SMARCA4: variants seen among roughly 807,000 people sequenced by gnomAD.
The protein encoded by SMARCA4 is SWI/SNF related BAF chromatin remodeling complex subunit ATPase 4, also known as SWI/SNF-related matrix-associated actin-dependent regulator of chromatin subfamily A member 4.
SMARCA4 carries 31 observed loss-of-function variants against 193.9 expected under a neutral mutation model. The observed-to-expected ratio is 0.16, with a 90% CI of 0.12 to 0.22. SMARCA4 has a LOEUF of 0.22. Ranked by LOEUF, SMARCA4 falls within the 10% of genes least tolerant of loss-of-function variation. SMARCA4 has a pLI of 1.00. For synonymous variants in SMARCA4, 942 were observed against 933.1 expected, an observed-to-expected ratio of 1.01 and a Z score of -0.17; for missense variants, 1,148 against 2,296.0, an observed-to-expected ratio of 0.50 and a Z score of 10.22.
chr19:10,967,999 C>T (rs1010503548), intron 1 of SMARCA4, among the ~76,000 whole-genome samples: 2 of 152,194 alleles, frequency 1.3e-5, no homozygotes, highest in South Asian at 2.1e-4. Context: ...GCCTCAGCCT[C>T]CCGAGTAGCT....
chr19:11,055,718 C>T lies in SMARCA4; in HGVS notation c.4425-2537C>T, dbSNP rs144222912. Among the ~76,000 whole-genome samples, 238 of 152,236 alleles carry T rather than the reference C, an allele frequency of 1.6e-3. 3 individuals are homozygous for T. The highest frequency in any genetic ancestry group is 5.5e-3 in the African/African-American group (229 of 41,554). On this transcript the variant is annotated intron_variant, in intron 30 of 34. Coordinates refer to ENST00000344626, the MANE Select transcript of SMARCA4 (RefSeq NM_003072.5). ...TCAAGCCAAGAGTCTGCACTGTTTGCTGGCCACTAAGGGCATTGAATGGAT... is the reference window on the plus strand; with the variant it reads ...TCAAGCCAAGAGTCTGCACTGTTTGTTGGCCACTAAGGGCATTGAATGGAT...
In SMARCA4 at chr19:10,984,127, G is replaced by T; in HGVS notation, c.-25G>T. 1.2e-6 allele frequency: 2 copies of T among 1,613,522 alleles called. No homozygotes were observed. The highest frequency in any genetic ancestry group is 1.7e-6 in the Non-Finnish European group (2 of 1,179,884). ...GACCAGGACTGTCTTCCAGCAGGAG[G>T]CCACTGTCTGCAGCTCCCGTGAAGA... On this transcript the variant is annotated 5_prime_UTR_variant, in exon 2 of 35. Coordinates refer to ENST00000344626, the MANE Select transcript of SMARCA4 (RefSeq NM_003072.5). This position sits in a 1 kb window ranked among gnomAD's most constrained non-coding sequence, Gnocchi z 4.3.
chr19:11,027,508 C>T (rs2090348067), intron 23 of SMARCA4, among the ~76,000 whole-genome samples: 1 of 152,238 alleles, frequency 6.6e-6, no homozygotes, highest in African/African-American at 2.4e-5. Context: ...ATGTGACTCA[C>T]AGCTCCTCTC....
At chr19:11,042,397 C>T (rs939454820) in intron 30 of SMARCA4, among the ~76,000 whole-genome samples, 1 of 152,236 alleles carries the variant, frequency 6.6e-6, no homozygotes, top group Admixed American at 6.5e-5. Flanking sequence ...TGGGCAGGAG[C>T]CAGCAAAGGT....
At chr19:10,997,230 G>A (rs2087153524) in intron 11 of SMARCA4, among the ~76,000 whole-genome samples, 1 of 151,514 alleles carries the variant, frequency 6.6e-6, no homozygotes, top group Admixed American at 6.6e-5. Flanking sequence ...ACGGAGTCTC[G>A]TTCTGTCACA....
chr19:11,053,958 T>C (rs1024958570), intron 30 of SMARCA4, among the ~76,000 whole-genome samples: 3 of 152,132 alleles, frequency 2.0e-5, no homozygotes, highest in Non-Finnish European at 2.9e-5. Flanking sequence ...CAGCAGGTGT[T>C]TGCAGTAGTG....
In SMARCA4 at chr19:10,986,535, T is replaced by TGGCCCTGGCCCC. The variant is rs1555753680; in HGVS notation, c.708_719dup (p.Gly241_Pro244dup). The TGGCCCTGGCCCC allele has an allele frequency of 1.9e-6, 3 of 1,541,450 alleles. No homozygotes were observed. Among genetic ancestry groups the TGGCCCTGGCCCC allele is most frequent in the Non-Finnish European group, 2.6e-6 (3 of 1,146,558 alleles). ...CCGCAACAGGACCCGGCCCTGGCCCTGGCCCTGGCCCCGGCCCGGGTCCCG... is the reference window on the plus strand; with the variant it reads ...CCGCAACAGGACCCGGCCCTGGCCCTGGCCCTGGCCCCGGCCCTGGCCCCGGCCCGGGTCCCG... On this transcript the variant is annotated inframe_insertion, in exon 4 of 35. Coordinates refer to ENST00000344626, the MANE Select transcript of SMARCA4 (RefSeq NM_003072.5). The surrounding 1 kb of genome is among the most constrained non-coding windows in gnomAD (Gnocchi z 6.7).
At chr19:11,028,058 T>C (rs2090387976) in intron 24 of SMARCA4, 108 bp downstream of exon 24, 5 of 1,253,210 alleles carry the variant, frequency 4.0e-6, no homozygotes, top group East Asian at 4.6e-5. Context: ...GCCCAGGCGC[T>C]CTGGGTCCAG....
chr19:11,033,427 G>C lies in SMARCA4; in HGVS notation c.3684G>C (p.Val1228=), dbSNP rs1427377014. 6.2e-7 allele frequency: 1 copy of C among 1,613,506 alleles called. No homozygotes were observed. ...ACAAGCTCAACGTGGACCAGAAGGT[G>C]ATCCAGGCCGGCATGTTCGACCAGA... ...AKYKLNVDQK[V]IQAGMFDQKS... Residue 1228 remains valine (V), a synonymous_variant, in exon 26 of 35, where the codon GTG becomes GTC. Transcript: ENST00000344626. This position sits in a 1 kb window ranked among gnomAD's most constrained non-coding sequence, Gnocchi z 9.8.
chr19:10,976,081 A>G (rs1474957933), intron 1 of SMARCA4, among the ~76,000 whole-genome samples: 1 of 152,070 alleles, frequency 6.6e-6, no homozygotes, highest in African/African-American at 2.4e-5. Context: ...TGAGGGCCCC[A>G]TTGCAGGACT....
chr19:10,995,863 G>C lies in SMARCA4; in HGVS notation c.1594-350G>C, dbSNP rs528331702. ...TGATCTGATGTATTCTTAGAAAGGT[G>C]GGGGGCTGCTGTAGGAGGTGGTGGG... On this transcript the variant is annotated intron_variant, in intron 9 of 34. Transcript: ENST00000344626. The C allele has an allele frequency of 6.0e-4, 236 of 394,202 alleles. 1 individual carries two copies. The highest frequency in any genetic ancestry group is 9.3e-4 in the Non-Finnish European group (190 of 204,694). The allele number at this position is 394,202 out of a possible 1,614,324, so 24.4% of individuals were successfully genotyped here.
chr19:11,019,626 G>C lies in SMARCA4; in HGVS notation c.2541G>C (p.Gln847His), dbSNP rs1064796361. The change falls in exon 18 of 35, where the codon CAG (glutamine) becomes CAC (histidine). Residue 847 changes from glutamine (Q) to histidine (H), a missense_variant. This residue lies in a region of SMARCA4 where 54 missense variants were observed against 123.3 expected (regional missense o/e 0.44). Transcript: ENST00000344626. The surrounding 1 kb of genome is among the most constrained non-coding windows in gnomAD (Gnocchi z 6.1). Reference protein sequence around the residue: ...SPAARRAFVPQLRSGKFNVLL... With the variant: ...SPAARRAFVPHLRSGKFNVLL... ...CAGCAAGACGGGCCTTTGTCCCCCA[G>C]CTCCGGAGTGGGAAGTTCAACGTCT... 1.9e-6 allele frequency: 3 copies of C among 1,613,070 alleles called. No individual in the cohort carries two copies. Among genetic ancestry groups the C allele is most frequent in the Non-Finnish European group, 2.5e-6 (3 of 1,179,634 alleles).
rs7275 is a variant in SMARCA4, at chr19:11,060,163, T to C, written c.4887T>C (p.Asp1629=). The C allele has an allele frequency of 0.3, 458,967 of 1,551,084 alleles. 69,913 individuals carry two copies. Among genetic ancestry groups the C allele is most frequent in the South Asian group, 0.35 (29,103 of 84,036 alleles). Residue 1629 remains aspartate, a synonymous_variant, in exon 34 of 35, where the codon GAT becomes GAC. Transcript: ENST00000344626. The stretch of plus-strand genomic sequence containing the variant: ...GAGCCAAGCCGGTCGTGAGTGACGA[T>C]GACAGTGAGGAGGAACAAGAGGAGG... The part of the protein sequence containing the change: ...GSRAKPVVSD[D]DSEEEQEEDR...
In SMARCA4 at chr19:11,062,217, G is replaced by A. The variant is rs559071626; in HGVS notation, c.*401G>A. ...AGGTCAGACTCGCCGGGGGCCCGGCGAGGGTATGTCAGTGTCACTGGATGT... is the reference window on the plus strand; with the variant it reads ...AGGTCAGACTCGCCGGGGGCCCGGCAAGGGTATGTCAGTGTCACTGGATGT... On this transcript the variant is annotated 3_prime_UTR_variant, in exon 35 of 35. Coordinates refer to ENST00000344626, the MANE Select transcript of SMARCA4 (RefSeq NM_003072.5). 2.2e-3 allele frequency: 695 copies of A among 311,462 alleles called. No homozygotes were observed. Among genetic ancestry groups the A allele is most frequent in the Non-Finnish European group, 3.5e-3 (570 of 165,090 alleles). The allele number at this position is 311,462 out of a possible 1,614,324, so 19.3% of individuals were successfully genotyped here.
At chr19:11,025,607 A>G in intron 22 of SMARCA4, 99 bp downstream of exon 22, 2 of 846,430 alleles carry the variant, frequency 2.4e-6, no homozygotes, top group South Asian at 1.3e-5. Flanking sequence ...ACAGACTCGA[A>G]TATTTTCATT....
intron 11 of SMARCA4, among the ~76,000 whole-genome samples, chr19:10,999,150 C>A (rs2087378859): frequency 6.6e-6 from 1 of 151,606 alleles, no homozygotes; most frequent in Admixed American, 6.6e-5. Flanking sequence ...AAGCAATCTA[C>A]CTGCCTTGGC....
intron 19 of SMARCA4, 95 bp downstream of exon 19, chr19:11,022,062 C>G (rs2146428940): frequency 6.4e-7 from 1 of 1,569,438 alleles, no homozygotes; most frequent in Non-Finnish European, 8.7e-7. Flanking sequence ...CTGGCTGGGC[C>G]TGTGCTGGGT....
chr19:11,032,859 C>T (rs776858036), intron 25 of SMARCA4, among the ~76,000 whole-genome samples: 14 of 152,266 alleles, frequency 9.2e-5, no homozygotes, highest in Non-Finnish European at 1.8e-4. Context: ...GTTCTGTGTG[C>T]ACTGTGAGAG....
intron 34 of SMARCA4, among the ~76,000 whole-genome samples, chr19:11,061,198 A>ATAT (rs1265933150): frequency 1.0e-4 from 8 of 76,262 alleles, no homozygotes; most frequent in Non-Finnish European, 1.8e-4. Flanking sequence ...TAAAAAAAAA[A>ATAT]AAAAAAATAT....
Sources: gnomAD v4.1 joint callset for allele counts (sites outside exome capture counted in the v4.1 genomes callset) on GRCh38, gnomAD v4.1.1 for gene constraint, gnomAD v4.1.1 regional missense constraint, Gnocchi (gnomAD v3.1) non-coding constraint, MANE v1.5 for transcripts, NCBI Gene and HGNC (gene_info 2026-07-23, HGNC 2026-07-21) for gene names.